Variants in OSBPL10 observed in about 807,000 individuals in gnomAD.
The protein encoded by OSBPL10 is oxysterol binding protein like 10.
In OSBPL10, 49 loss-of-function variants were observed where a neutral mutation model predicts 81.7. The ratio of observed to expected loss-of-function variants is 0.60; its 90% confidence interval spans 0.48 to 0.76. The LOEUF (loss-of-function observed/expected upper bound fraction) is 0.76, where lower values mean the gene tolerates loss of function less well. Ranked by LOEUF, OSBPL10 falls within the 30% of genes least tolerant of loss-of-function variation. The probability of loss-of-function intolerance (pLI) is 0.00; values close to 1 mark genes in which losing one functional copy is unlikely to be tolerated. For missense variants in OSBPL10, 923 were observed against 987.8 expected (o/e 0.93, Z 0.88); for synonymous variants, 419 against 383.6 (o/e 1.09, Z -1.08).
chr3:31,731,570 C>T (rs2125661802), intron 6 of OSBPL10, among the ~76,000 whole-genome samples: 1 of 151,904 alleles, frequency 6.6e-6, no homozygotes, highest in Middle Eastern at 3.4e-3. Context: ...CTCACTGCAG[C>T]CTCTGCCTCC....
chr3:31,722,148 AT>A (rs1015423850), intron 6 of OSBPL10, among the ~76,000 whole-genome samples: 11 of 152,188 alleles, frequency 7.2e-5, no homozygotes, highest in African/African-American at 9.6e-5. Flanking sequence ...AGACTTAGAA[AT>A]TTTTTTTAAC....
intron 1 of OSBPL10, among the ~76,000 whole-genome samples, chr3:31,901,829 G>A (rs1696251929): frequency 6.6e-6 from 1 of 152,158 alleles, no homozygotes; most frequent in Non-Finnish European, 1.5e-5. Flanking sequence ...CCTGAGCTCA[G>A]GAGTTCAAGA....
chr3:31,969,934 G>A (rs961925216), intron 1 of OSBPL10, among the ~76,000 whole-genome samples: 2 of 151,906 alleles, frequency 1.3e-5, no homozygotes, highest in African/African-American at 2.4e-5. Flanking sequence ...ATGCGGGGGT[G>A]GGGGGCGCGG....
At chr3:32,013,327 C>T (rs886578579) in intron 2 of OSBPL10, among the ~76,000 whole-genome samples, 2 of 152,274 alleles carry the variant, frequency 1.3e-5, no homozygotes, top group African/African-American at 2.4e-5. Flanking sequence ...AACTGAACAA[C>T]CTGCTCCTGA....
At chr3:31,916,772 C>T (rs1696769527) in intron 1 of OSBPL10, among the ~76,000 whole-genome samples, 2 of 152,152 alleles carry the variant, frequency 1.3e-5, no homozygotes, top group African/African-American at 4.8e-5. Context: ...TCGCTGTTTC[C>T]AATTAACAAA....
chr3:32,018,002 G>A (rs1559550088), intron 2 of OSBPL10, among the ~76,000 whole-genome samples: 1 of 151,954 alleles, frequency 6.6e-6, no homozygotes. Context: ...TACAAAATTA[G>A]CTGGGCTTGG....
exon 1 of OSBPL10, chr3:32,077,403 A>G (rs1699885110): frequency 6.6e-6 from 1 of 152,232 alleles, no homozygotes; most frequent in African/African-American, 2.4e-5. Flanking sequence ...TACCTCTCTA[A>G]AAGTGGTGAA....
At chr3:32,012,344 G>A (rs1215067541) in intron 2 of OSBPL10, among the ~76,000 whole-genome samples, 1 of 152,138 alleles carries the variant, frequency 6.6e-6, no homozygotes, top group Non-Finnish European at 1.5e-5. Flanking sequence ...GCCAAACTAA[G>A]CTTCATAAGT....
At chr3:32,033,446 G>A (rs1039535402) in intron 2 of OSBPL10, among the ~76,000 whole-genome samples, 4 of 152,170 alleles carry the variant, frequency 2.6e-5, no homozygotes, top group African/African-American at 9.7e-5. Context: ...AGGAGTACAT[G>A]GAATGCAGAG....
intron 3 of OSBPL10, among the ~76,000 whole-genome samples, chr3:31,852,515 A>C (rs1332111564): frequency 6.6e-6 from 1 of 152,208 alleles, no homozygotes; most frequent in Admixed American, 6.5e-5. Flanking sequence ...TTACAGGAGA[A>C]AAACACATTT....
intron 3 of OSBPL10, among the ~76,000 whole-genome samples, chr3:31,834,708 A>T (rs1700326299): frequency 6.6e-6 from 1 of 152,216 alleles, no homozygotes; most frequent in South Asian, 2.1e-4. Context: ...CAATCAAGGT[A>T]ATCGGGTAAC....
chr3:31,724,307 G>A (rs1161537483), intron 6 of OSBPL10, among the ~76,000 whole-genome samples: 1 of 152,098 alleles, frequency 6.6e-6, no homozygotes, highest in African/African-American at 2.4e-5. Context: ...CCAGCTCACA[G>A]TTGGCAAATC....
At chr3:32,010,323 T>C (rs1313344760) in intron 2 of OSBPL10, among the ~76,000 whole-genome samples, 1 of 152,194 alleles carries the variant, frequency 6.6e-6, no homozygotes, top group Non-Finnish European at 1.5e-5. Context: ...TAAATTTCTG[T>C]TGTTTAAGCC....
chr3:31,756,284 C>A (rs1417651457), intron 4 of OSBPL10, among the ~76,000 whole-genome samples: 2 of 152,156 alleles, frequency 1.3e-5, no homozygotes, highest in Admixed American at 1.3e-4. Context: ...AAAAAACTAT[C>A]TCCTGCCTCA....
intron 1 of OSBPL10, among the ~76,000 whole-genome samples, chr3:32,048,023 G>A (rs1001308483): frequency 6.6e-6 from 1 of 151,928 alleles, no homozygotes; most frequent in African/African-American, 2.4e-5. Context: ...CAGTCCTGCC[G>A]ACTTCCAATA....
At chr3:31,911,461 C>T (rs1416026445) in intron 1 of OSBPL10, among the ~76,000 whole-genome samples, 1 of 152,042 alleles carries the variant, frequency 6.6e-6, no homozygotes, top group Non-Finnish European at 1.5e-5. Flanking sequence ...AGGGGAATGG[C>T]GAAACACCAC....
chr3:31,922,180 A>C (rs1696936183), intron 1 of OSBPL10, among the ~76,000 whole-genome samples: 1 of 152,248 alleles, frequency 6.6e-6, no homozygotes, highest in South Asian at 2.1e-4. Flanking sequence ...AAAGAAATCT[A>C]GGTAAACTAT....
intron 3 of OSBPL10, among the ~76,000 whole-genome samples, chr3:31,857,754 G>C (rs376534231): frequency 7.4e-6 from 1 of 134,516 alleles, no homozygotes; most frequent in South Asian, 3.0e-4. Context: ...CTAGCCTCTC[G>C]TGTGTCCTTC....
At chr3:31,707,895 A>G (rs1696123578) in intron 6 of OSBPL10, among the ~76,000 whole-genome samples, 1 of 152,182 alleles carries the variant, frequency 6.6e-6, no homozygotes, top group Admixed American at 6.5e-5. Flanking sequence ...GAGAGGTTCT[A>G]GAAAAATAAA....
Sources: allele counts gnomAD v4.1 joint callset (sites outside exome capture counted in the v4.1 genomes callset), GRCh38; gene constraint gnomAD v4.1.1; transcripts MANE v1.5; gene names NCBI Gene and HGNC (gene_info 2026-07-23, HGNC 2026-07-21).